Variants in VAPB observed in about 807,000 individuals in gnomAD.
VAPB encodes the protein VAMP associated protein B and C.
Under a neutral mutation model 25.6 loss-of-function variants are expected in VAPB, and 7 were observed. The observed-to-expected ratio is 0.27, with a 90% CI of 0.16 to 0.51. The LOEUF (loss-of-function observed/expected upper bound fraction) is 0.51, where lower values mean the gene tolerates loss of function less well. VAPB is among the 20% of genes least tolerant of loss of function. The pLI is 0.97. For missense variants in VAPB, 266 were observed against 301.3 expected (o/e 0.88, Z 0.87); for synonymous variants, 112 against 109.2 (o/e 1.03, Z -0.16).
intron 2 of VAPB, among the ~76,000 whole-genome samples, chr20:58,421,002 A>G (rs1988655989): frequency 6.6e-6 from 1 of 152,228 alleles, no homozygotes; most frequent in Non-Finnish European, 1.5e-5. Flanking sequence ...ACCAGTCGAC[A>G]GGCAGTGCAG....
chr20:58,401,744 G>A (rs1042268866), intron 1 of VAPB, among the ~76,000 whole-genome samples: 2 of 151,936 alleles, frequency 1.3e-5, no homozygotes, highest in African/African-American at 4.8e-5. Flanking sequence ...CGCTTCTAAC[G>A]TCACTTATGT....
At chr20:58,403,804 A>T (rs952405334) in intron 1 of VAPB, among the ~76,000 whole-genome samples, 1 of 152,244 alleles carries the variant, frequency 6.6e-6, no homozygotes, top group Non-Finnish European at 1.5e-5. Flanking sequence ...AGAACACCTC[A>T]AACTCAGCAT....
In VAPB at chr20:58,449,027, C is replaced by A. The variant is rs1278224589; in HGVS notation, c.*4792C>A. 1.1e-5 allele frequency: 5 copies of A among 453,978 alleles called. No homozygotes were observed. Among genetic ancestry groups the A allele is most frequent in the African/African-American group, 2.0e-5 (1 of 50,000 alleles). 28.1% of individuals were successfully genotyped at this position (453,978 alleles called of 1,614,324 possible). On this transcript the variant is annotated 3_prime_UTR_variant, in exon 6 of 6. Coordinates refer to ENST00000475243, the MANE Select transcript of VAPB (RefSeq NM_004738.5). ...ACAGCTGAGCTGCTGATGTCTCAGG[C>A]CTTTCCCTGAATTAGCACTGCGGTT...
chr20:58,395,152 C>CTTTTTTTTTTTTTTTTTT (rs397865707), intron 1 of VAPB, among the ~76,000 whole-genome samples: 1 of 128,568 alleles, frequency 7.8e-6, no homozygotes, highest in Non-Finnish European at 1.6e-5. Context: ...CCAAAAGTGT[C>CTTTTTTTTTTTTTTTTTT]TTTTTTTTTT....
At chr20:58,431,688 A>C (rs752267880) in intron 2 of VAPB, among the ~76,000 whole-genome samples, 26 of 151,730 alleles carry the variant, frequency 1.7e-4, no homozygotes, top group Non-Finnish European at 3.2e-4. Context: ...CTTCCACCTC[A>C]ATCTCAGCCT....
intron 1 of VAPB, among the ~76,000 whole-genome samples, chr20:58,413,356 G>A (rs899055031): frequency 1.9e-3 from 291 of 151,738 alleles, no homozygotes; most frequent in African/African-American, 6.7e-3. Context: ...GACTCTTAAC[G>A]AGCATGCTGC....
At position 58,450,290 on chromosome 20, in the gene VAPB, G is replaced by A. The variant is rs1392750841; in HGVS notation, c.*6055G>A. 4.4e-6 allele frequency: 2 copies of A among 453,682 alleles called. No homozygotes were observed. Among genetic ancestry groups the A allele is most frequent in the African/African-American group, 4.0e-5 (2 of 49,944 alleles). 28.1% of individuals were successfully genotyped at this position (453,682 alleles called of 1,614,324 possible). A position where few individuals can be genotyped will look rare whatever the true frequency, so the allele number is the denominator to read the frequency against. ...ATTGTCTGTGATATTGAGACCATGT[G>A]TACAAGAACTACTTTTTGCTTTTCA... On this transcript the variant is annotated 3_prime_UTR_variant, in exon 6 of 6. Transcript: ENST00000475243.
At position 58,448,884 on chromosome 20, in the gene VAPB, C is replaced by T. The variant is rs977831332; in HGVS notation, c.*4649C>T. ...TAGAAAGAATATTGCCAGTCCGTCT[C>T]GGCAAGGAGATGATGGGAGCGCTTT... On this transcript the variant is annotated 3_prime_UTR_variant, in exon 6 of 6. Transcript: ENST00000475243. 7 of 453,860 alleles carry T rather than the reference C, an allele frequency of 1.5e-5. No individual in the cohort carries two copies. The highest frequency in any genetic ancestry group is 6.0e-5 in the African/African-American group (3 of 49,950). 28.1% of individuals were successfully genotyped at this position (453,860 alleles called of 1,614,324 possible).
intron 2 of VAPB, among the ~76,000 whole-genome samples, chr20:58,421,448 C>A (rs1330539241): frequency 4.6e-5 from 7 of 152,052 alleles, no homozygotes; most frequent in Non-Finnish European, 7.4e-5. Context: ...GTTTTCTCTT[C>A]CTTGTGTAAT....
chr20:58,408,815 T>C (rs1988299506), intron 1 of VAPB, among the ~76,000 whole-genome samples: 1 of 152,026 alleles, frequency 6.6e-6, no homozygotes, highest in Non-Finnish European at 1.5e-5. Flanking sequence ...AAGTCTCGTA[T>C]TCATGCAGCA....
intron 3 of VAPB, among the ~76,000 whole-genome samples, chr20:58,436,327 C>CTTTT (rs57100987): frequency 0.042 from 4,696 of 112,876 alleles, 125 homozygotes; most frequent in Non-Finnish European, 0.06. Flanking sequence ...GTTTTTCTTC[C>CTTTT]TTTTTTTTTT....
intron 2 of VAPB, chr20:58,431,503 G>A (rs967571830): frequency 7.9e-5 from 12 of 151,950 alleles, no homozygotes; most frequent in African/African-American, 2.7e-4. Flanking sequence ...TTAATACGCT[G>A]GCCATGGGAC....
rs1302384426 is a variant in VAPB at position 58,446,917 on chromosome 20, G to T, written c.*2682G>T. ...CCCTAGAATTACATAATGAAAAAAA[G>T]AATAAGGCAAAGAGGAGGTGAATAT... On this transcript the variant is annotated 3_prime_UTR_variant, in exon 6 of 6. Coordinates refer to ENST00000475243, the MANE Select transcript of VAPB (RefSeq NM_004738.5). The T allele has an allele frequency of 2.2e-6, 1 of 453,998 alleles. No individual in the cohort carries two copies. Among genetic ancestry groups the T allele is most frequent in the Non-Finnish European group, 4.4e-6 (1 of 226,788 alleles). The allele number at this position is 453,998 out of a possible 1,614,324, so 28.1% of individuals were successfully genotyped here.
chr20:58,437,259 C>T (rs1008364320), intron 3 of VAPB, among the ~76,000 whole-genome samples: 12 of 151,918 alleles, frequency 7.9e-5, no homozygotes, highest in Non-Finnish European at 1.8e-4. Flanking sequence ...AGCCACTGCA[C>T]CCTGCCCAAA....
At position 58,389,468 on chromosome 20, in the gene VAPB, G is replaced by C; in HGVS notation, c.9G>C (p.Lys3Asn). The change falls in exon 1 of 6, where the codon AAG (lysine) becomes AAC (asparagine). Residue 3 changes from lysine to asparagine, a missense_variant. Physicochemically the swap from Lys to Asn is moderately conservative, Grantham distance 94. This residue lies in a region of VAPB where 32 missense variants were observed against 23.5 expected (regional missense o/e 1.36). Transcript: ENST00000475243. MA[K>N]VEQVLSLEPQ... ...CTCCGCCGCTAAGGAACATGGCGAA[G>C]GTGGAGCAGGTCCTGAGCCTCGAGC... is the stretch of plus-strand genomic sequence containing the variant. 1 of 1,596,914 alleles carries C rather than the reference G, an allele frequency of 6.3e-7. No homozygotes were observed. Among genetic ancestry groups the C allele is most frequent in the Non-Finnish European group, 8.5e-7 (1 of 1,172,452 alleles).
Position 58,447,696 on chromosome 20 carries a change from C to T in VAPB, c.*3461C>T, listed in dbSNP as rs943365905. Reference sequence around the variant, plus strand: ...CATGTGTGCATGTGTGGCATATGTGCCGTATGTCAGTAGCTTGACAGTTTT... The same window carrying T: ...CATGTGTGCATGTGTGGCATATGTGTCGTATGTCAGTAGCTTGACAGTTTT... On this transcript the variant is annotated 3_prime_UTR_variant, in exon 6 of 6. Transcript: ENST00000475243. 4 of 453,782 alleles carry T rather than the reference C, an allele frequency of 8.8e-6. No individual in the cohort carries two copies. The highest frequency in any genetic ancestry group is 2.4e-5 in the Admixed American group (1 of 42,536). The allele number at this position is 453,782 out of a possible 1,614,324, so 28.1% of individuals were successfully genotyped here.
chr20:58,402,127 C>T lies in VAPB; in HGVS notation c.58+12610C>T, dbSNP rs1988109662. Among the ~76,000 whole-genome samples the T allele has an allele frequency of 2.6e-5, 4 of 152,258 alleles. No individual in the cohort carries two copies. In the South Asian group the frequency reaches 8.3e-4, roughly 32 times the overall value. ...CAATCATTAAATGTCTTCCTGTTGC[C>T]AAAAATAAAGTTTAAATTCTTTAAC... On this transcript the variant is annotated intron_variant, in intron 1 of 5. Transcript: ENST00000475243.
intron 2 of VAPB, among the ~76,000 whole-genome samples, chr20:58,426,137 C>G (rs1488447766): frequency 1.3e-5 from 2 of 152,144 alleles, no homozygotes; most frequent in Non-Finnish European, 2.9e-5. Flanking sequence ...CTCAAGTGAT[C>G]TGCCTACCTC....
intron 2 of VAPB, among the ~76,000 whole-genome samples, chr20:58,430,631 A>C (rs998131033): frequency 1.3e-5 from 2 of 151,190 alleles, no homozygotes; most frequent in African/African-American, 4.9e-5. Flanking sequence ...GCTGGAGTGC[A>C]GTGGCGCCGT....
Sources: gnomAD v4.1 joint callset for allele counts (sites outside exome capture counted in the v4.1 genomes callset) on GRCh38, gnomAD v4.1.1 for gene constraint, gnomAD v4.1.1 regional missense constraint, MANE v1.5 for transcripts, NCBI Gene and HGNC (gene_info 2026-07-23, HGNC 2026-07-21) for gene names.